The following WDR55 variants were observed in gnomAD, a reference collection of about 807,000 sequenced individuals.
The protein encoded by WDR55 is WD repeat-containing protein 55.
WDR55 carries 31 observed loss-of-function variants against 34.0 expected under a neutral mutation model. The observed-to-expected ratio is 0.91, with a 90% CI of 0.69 to 1.23. WDR55 has a LOEUF of 1.23. Ranked by LOEUF, WDR55 falls within the 50% of genes most tolerant of loss-of-function variation. The pLI is 0.00. For missense variants in WDR55, 440 were observed against 494.6 expected (o/e 0.89, Z 1.05); for synonymous variants, 164 against 185.9 (o/e 0.88, Z 0.96).
Position 140,667,203 on chromosome 5 carries a change from C to T in WDR55, c.192-1031C>T, listed in dbSNP as rs908617030. 9 of 953,076 alleles carry T rather than the reference C, an allele frequency of 9.4e-6. No homozygotes were observed. In the African/African-American group the frequency reaches 1.1e-4, roughly 11 times the overall value. The allele number at this position is 953,076 out of a possible 1,614,324, so 59.0% of individuals were successfully genotyped here. A position where few individuals can be genotyped will look rare whatever the true frequency, so the allele number is the denominator to read the frequency against. On this transcript the variant is annotated intron_variant, in intron 1 of 6. Coordinates refer to ENST00000358337, the MANE Select transcript of WDR55 (RefSeq NM_017706.5). ...CCACCTTTCTTCACATTCCACACAA[C>T]TTTGTTGCTTCCCTTGTCTTAAAAA... is the stretch of plus-strand genomic sequence containing the variant.
chr5:140,671,688 G>C lies in WDR55; in HGVS notation c.*2034G>C. The C allele has an allele frequency of 6.3e-7, 1 of 1,584,956 alleles. No individual in the cohort carries two copies. The highest frequency in any genetic ancestry group is 8.6e-7 in the Non-Finnish European group (1 of 1,165,434). ...GGACCCACAAGCTGCTGGCGAAGTC[G>C]CTGCTTCAGGTCTGGCTTGAGCCAC... On this transcript the variant is annotated 3_prime_UTR_variant, in exon 7 of 7. Transcript: ENST00000358337.
rs977610647 is a variant in WDR55, at chr5:140,669,995, C to T, written c.*341C>T. The T allele has an allele frequency of 1.4e-5, 3 of 220,928 alleles. No individual in the cohort carries two copies. Among genetic ancestry groups the T allele is most frequent in the Non-Finnish European group, 2.7e-5 (3 of 110,128 alleles). 13.7% of individuals were successfully genotyped at this position (220,928 alleles called of 1,614,324 possible). ...CCACCTGCCTCTGCTTCCCAAAGTG[C>T]TGGGATTACAGGCACGAGCCACCAC... is the stretch of plus-strand genomic sequence containing the variant. On this transcript the variant is annotated 3_prime_UTR_variant, in exon 7 of 7. Transcript: ENST00000358337.
intron 1 of WDR55, chr5:140,667,426 G>C (rs2530246): frequency 0.2 from 31,101 of 152,526 alleles, 3,204 homozygotes; most frequent in Non-Finnish European, 0.21. Flanking sequence ...TATCTCTGCT[G>C]CCTCCAGTAT....
chr5:140,668,637 G>A lies in WDR55; in HGVS notation c.406G>A (p.Val136Met). The change falls in exon 4 of 7, where the codon GTG becomes ATG. Residue 136 changes from valine (V) to methionine (M), a missense_variant. Coordinates refer to ENST00000358337, the MANE Select transcript of WDR55 (RefSeq NM_017706.5). ...TGCCCCCATCAATAGTCTTCTGCTG[G>A]TGGATGAGAATGTTCTGGCCACTGG... ...HGAPINSLLL[V>M]DENVLATGDD... The A allele has an allele frequency of 6.2e-7, 1 of 1,613,984 alleles. No homozygotes were observed. Among genetic ancestry groups the A allele is most frequent in the Non-Finnish European group, 8.5e-7 (1 of 1,179,888 alleles).
chr5:140,667,265 C>A, intron 1 of WDR55: 3 of 472,756 alleles, frequency 6.3e-6, no homozygotes, highest in Non-Finnish European at 8.3e-6. Flanking sequence ...TCCCCTTCCC[C>A]ACCCTCAGCC....
chr5:140,669,410 T>G lies in WDR55; in HGVS notation c.908T>G (p.Leu303Arg). The part of the protein sequence containing the change: ...HTGEPVEELA[L>R]SHCGRFLASS... ...GGGGAGCCTGTGGAGGAGCTGGCCCTCTCCCACTGTGGCCGCTTCCTGGCC... is the reference window on the plus strand; with the variant it reads ...GGGGAGCCTGTGGAGGAGCTGGCCCGCTCCCACTGTGGCCGCTTCCTGGCC... Residue 303 changes from leucine to arginine, a missense_variant, in exon 7 of 7, where the codon CTC becomes CGC. By Grantham distance (102) the Leu-to-Arg change is moderately radical (BLOSUM62 -2). Coordinates refer to ENST00000358337, the MANE Select transcript of WDR55 (RefSeq NM_017706.5). 1 of 1,614,080 alleles carries G rather than the reference T, an allele frequency of 6.2e-7. No individual in the cohort carries two copies. Among genetic ancestry groups the G allele is most frequent in the Non-Finnish European group, 8.5e-7 (1 of 1,179,994 alleles).
chr5:140,667,085 T>C (rs1307709838), intron 1 of WDR55: 29 of 985,344 alleles, frequency 2.9e-5, no homozygotes, highest in Non-Finnish European at 3.4e-5. Flanking sequence ...AAGTTTGCAG[T>C]ACAGCACCTA....
Position 140,669,166 on chromosome 5 carries a change from G to A in WDR55, c.748G>A (p.Ala250Thr). The A allele has an allele frequency of 6.2e-7, 1 of 1,614,144 alleles. No individual in the cohort carries two copies. ...CTTTGGGGCCACAAGTGACCGCTTTGCCCTGAGAGCTGAATCTATCGACTG... is the reference window on the plus strand; with the variant it reads ...CTTTGGGGCCACAAGTGACCGCTTTACCCTGAGAGCTGAATCTATCGACTG... ...NGFGATSDRF[A>T]LRAESIDCMV... Residue 250 changes from alanine (A) to threonine (T), a missense_variant, in exon 6 of 7, where the codon GCC becomes ACC. By Grantham distance (58) the Ala-to-Thr change is moderately conservative. Transcript: ENST00000358337.
At position 140,665,077 on chromosome 5, in the gene WDR55, AGGGGACGTGGAC is replaced by A; in HGVS notation, c.175_186del (p.Asp59_Val62del). The A allele has an allele frequency of 6.2e-7, 1 of 1,607,398 alleles. No homozygotes were observed. Among genetic ancestry groups the A allele is most frequent in the Non-Finnish European group, 8.5e-7 (1 of 1,175,800 alleles). On this transcript the variant is annotated inframe_deletion, in exon 1 of 7. Coordinates refer to ENST00000358337, the MANE Select transcript of WDR55 (RefSeq NM_017706.5). ...ATCCGGCCCGTGACCTACTGGCTGC[AGGGGACGTGGAC>A]GGGGACGTGTTCGTGTGAGAGCGGG...
In WDR55 at chr5:140,671,854, C is replaced by T; in HGVS notation, c.*2200C>T. 1 of 1,282,398 alleles carries T rather than the reference C, an allele frequency of 7.8e-7. No individual in the cohort carries two copies. Among genetic ancestry groups the T allele is most frequent in the Non-Finnish European group, 1.1e-6 (1 of 904,770 alleles). The allele number at this position is 1,282,398 out of a possible 1,614,324, so 79.4% of individuals were successfully genotyped here. On this transcript the variant is annotated 3_prime_UTR_variant, in exon 7 of 7. Coordinates refer to ENST00000358337, the MANE Select transcript of WDR55 (RefSeq NM_017706.5). ...ACAGTCCTGTTATTTGTAGCCTTCC[C>T]ATTTCCTGGTAGTGTGACCATGGGT...
In WDR55 at chr5:140,670,266, G is replaced by A. The variant is rs1372554931; in HGVS notation, c.*612G>A. 6.6e-6 allele frequency: 1 copy of A among 151,424 alleles called. No homozygotes were observed. Among genetic ancestry groups the A allele is most frequent in the Non-Finnish European group, 1.5e-5 (1 of 68,066 alleles). 9.4% of individuals were successfully genotyped at this position (151,424 alleles called of 1,614,324 possible). ...ACCAAGCTGGTCTTGGAACTCCTGG[G>A]CTCAAGTGATCCTCCTGCCTTGGCC... On this transcript the variant is annotated 3_prime_UTR_variant, in exon 7 of 7. Coordinates refer to ENST00000358337, the MANE Select transcript of WDR55 (RefSeq NM_017706.5).
At position 140,670,004 on chromosome 5, in the gene WDR55, CA is replaced by C; in HGVS notation, c.*351del. On this transcript the variant is annotated 3_prime_UTR_variant, in exon 7 of 7. Coordinates refer to ENST00000358337, the MANE Select transcript of WDR55 (RefSeq NM_017706.5). ...TCTGCTTCCCAAAGTGCTGGGATTA[CA>C]GGCACGAGCCACCACACCTGGCCAA... 1 of 213,646 alleles carries C rather than the reference CA, an allele frequency of 4.7e-6. No individual in the cohort carries two copies. The highest frequency in any genetic ancestry group is 9.5e-6 in the Non-Finnish European group (1 of 105,550). The allele number at this position is 213,646 out of a possible 1,614,324, so 13.2% of individuals were successfully genotyped here.
At position 140,672,046 on chromosome 5, in the gene WDR55, A is replaced by T. The variant is rs902504633; in HGVS notation, c.*2392A>T. 3.0e-5 allele frequency: 17 copies of T among 568,012 alleles called. No individual in the cohort carries two copies. Among genetic ancestry groups the T allele is most frequent in the African/African-American group, 5.6e-5 (3 of 53,296 alleles). The allele number at this position is 568,012 out of a possible 1,614,324, so 35.2% of individuals were successfully genotyped here. ...TGGGAAAACTTGCTGTAAGTCAGTC[A>T]GTGTGCTAAGTACCGTACACCCATT... is the stretch of plus-strand genomic sequence containing the variant. On this transcript the variant is annotated 3_prime_UTR_variant, in exon 7 of 7. Transcript: ENST00000358337.
intron 4 of WDR55, 26 bp from the exon 5 acceptor site, chr5:140,668,865 T>C (rs754171713): frequency 6.2e-7 from 1 of 1,614,200 alleles, no homozygotes; most frequent in South Asian, 1.1e-5. Context: ...ACCTTGCGTC[T>C]AAGCCTACTG....
In WDR55 at chr5:140,669,111, A is replaced by G. The variant is rs1757998900; in HGVS notation, c.693A>G (p.Glu231=). 1 of 1,613,982 alleles carries G rather than the reference A, an allele frequency of 6.2e-7. No homozygotes were observed. Among genetic ancestry groups the G allele is most frequent in the Non-Finnish European group, 8.5e-7 (1 of 1,180,030 alleles). ...WGKKVACGSS[E]GTIYLFNWNG... ...AGAAGGTAGCCTGTGGCTCCAGTGA[A>G]GGTACCATCTACCTCTTCAATTGGA... Residue 231 remains glutamate, a synonymous_variant, in exon 6 of 7, where the codon GAA becomes GAG. Transcript: ENST00000358337.
chr5:140,669,982 G>T lies in WDR55; in HGVS notation c.*328G>T. 1 of 230,272 alleles carries T rather than the reference G, an allele frequency of 4.3e-6. No homozygotes were observed. Among genetic ancestry groups the T allele is most frequent in the South Asian group, 6.6e-5 (1 of 15,178 alleles). The allele number at this position is 230,272 out of a possible 1,614,324, so 14.3% of individuals were successfully genotyped here. A position where few individuals can be genotyped will look rare whatever the true frequency, so the allele number is the denominator to read the frequency against. Reference sequence around the variant, plus strand: ...GGACTCAAATGATCCACCTGCCTCTGCTTCCCAAAGTGCTGGGATTACAGG... The same window carrying T: ...GGACTCAAATGATCCACCTGCCTCTTCTTCCCAAAGTGCTGGGATTACAGG... On this transcript the variant is annotated 3_prime_UTR_variant, in exon 7 of 7. Transcript: ENST00000358337.
rs1757976935 is a variant in WDR55 at position 140,668,560 on chromosome 5, G to A, written c.381-52G>A. 9 of 1,609,900 alleles carry A rather than the reference G, an allele frequency of 5.6e-6. No homozygotes were observed. The South Asian group carries it at 8.8e-5, about 16-fold the overall frequency. On this transcript the variant is annotated intron_variant, in intron 3 of 6. Transcript: ENST00000358337. ...TGGAGGTGAAGGGTAAGGACCAGGAGGTCCCCACTGGGACAGAGATGCTCC... is the reference window on the plus strand; with the variant it reads ...TGGAGGTGAAGGGTAAGGACCAGGAAGTCCCCACTGGGACAGAGATGCTCC...
chr5:140,665,064 AC>A lies in WDR55; in HGVS notation c.154del (p.Leu52TyrfsTer60), dbSNP rs1236063444. Reference protein sequence around the residue: ...ASGLAFHPARDLLAAGDVDGD... With the variant: ...ASGLAFHPARXLLAAGDVDGD... ...GGGCTGGCGTTCCATCCGGCCCGTG[AC>A]CTACTGGCTGCAGGGGACGTGGACG... On this transcript the variant is annotated frameshift_variant, in exon 1 of 7. Coordinates refer to ENST00000358337, the MANE Select transcript of WDR55 (RefSeq NM_017706.5). LOFTEE classifies it high-confidence loss of function. The A allele has an allele frequency of 6.2e-7, 1 of 1,610,986 alleles. No homozygotes were observed. The highest frequency in any genetic ancestry group is 2.2e-5 in the East Asian group (1 of 44,782).
chr5:140,670,750 G>A lies in WDR55; in HGVS notation c.*1096G>A, dbSNP rs1482879522. The A allele has an allele frequency of 5.5e-6, 1 of 182,688 alleles. No individual in the cohort carries two copies. The highest frequency in any genetic ancestry group is 1.2e-5 in the Non-Finnish European group (1 of 85,336). The allele number at this position is 182,688 out of a possible 1,614,324, so 11.3% of individuals were successfully genotyped here. A position where few individuals can be genotyped will look rare whatever the true frequency, so the allele number is the denominator to read the frequency against. On this transcript the variant is annotated 3_prime_UTR_variant, in exon 7 of 7. Transcript: ENST00000358337. Reference sequence around the variant, plus strand: ...CCCGTAGCAGCTATTCACTCTACCAGTGTAAACAAACTCTAAGCTAGGGCA... The same window carrying A: ...CCCGTAGCAGCTATTCACTCTACCAATGTAAACAAACTCTAAGCTAGGGCA...
Sources: gnomAD v4.1 joint callset for allele counts on GRCh38, gnomAD v4.1.1 for gene constraint, MANE v1.5 for transcripts, NCBI Gene and HGNC (gene_info 2026-07-23, HGNC 2026-07-21) for gene names.